PRICKLE2: variants seen among roughly 807,000 people sequenced by gnomAD.
The protein encoded by PRICKLE2 is prickle planar cell polarity protein 2.
Under a neutral mutation model 81.4 loss-of-function variants are expected in PRICKLE2, and 21 were observed. The ratio of observed to expected loss-of-function variants is 0.26; its 90% CI spans 0.18 to 0.37. The LOEUF (loss-of-function observed/expected upper bound fraction) is 0.37. Ranked by LOEUF, PRICKLE2 falls within the 10% of genes least tolerant of loss-of-function variation. The pLI is 1.00. For synonymous variants in PRICKLE2, 456 were observed against 421.5 expected (o/e 1.08, Z -1.00); for missense variants, 940 against 1,109.0 (o/e 0.85, Z 2.16).
intron 2 of PRICKLE2, among the ~76,000 whole-genome samples, chr3:64,264,759 T>C (rs2079672343): frequency 6.6e-6 from 1 of 152,186 alleles, no homozygotes; most frequent in Non-Finnish European, 1.5e-5. Flanking sequence ...GTAGCTGTTT[T>C]AAAGAAAAAG....
Position 64,093,299 on chromosome 3 carries a change from T to C in PRICKLE2, c.*5752A>G. On this transcript the variant is annotated 3_prime_UTR_variant, in exon 8 of 8. Transcript: ENST00000638394. ...TGGACATTTGGGTTGCTCCCACTTT[T>C]TGGATATTGTGAATGCTGCTTTTAT... The C allele has an allele frequency of 6.6e-6, 1 of 152,432 alleles. No individual in the cohort carries two copies. Among genetic ancestry groups the C allele is most frequent in the East Asian group, 1.9e-4 (1 of 5,242 alleles). The allele number at this position is 152,432 out of a possible 1,614,324, so 9.4% of individuals were successfully genotyped here.
At position 64,198,949 on chromosome 3, in the gene PRICKLE2, G is replaced by A. The variant is rs756468690; in HGVS notation, c.-22C>T. On this transcript the variant is annotated 5_prime_UTR_variant, in exon 2 of 8. Coordinates refer to ENST00000638394, the MANE Select transcript of PRICKLE2 (RefSeq NM_198859.4). ...CCATGTGCTCCTCCTGGGGACACTT[G>A]CAGTGCAGGCAGATCTTCCTGCAGG... is the stretch of plus-strand genomic sequence containing the variant. 80 of 1,613,796 alleles carry A rather than the reference G, an allele frequency of 5.0e-5. No homozygotes were observed. Among genetic ancestry groups the A allele is most frequent in the Non-Finnish European group, 6.7e-5 (79 of 1,180,024 alleles).
At chr3:64,184,640 T>TA (rs577671580) in intron 2 of PRICKLE2, among the ~76,000 whole-genome samples, 1 of 124,592 alleles carries the variant, frequency 8.0e-6, no homozygotes, top group African/African-American at 2.6e-5. Context: ...ACTGACTGAT[T>TA]TAAAAAAAAA....
chr3:64,164,706 G>A (rs539727197), intron 2 of PRICKLE2, among the ~76,000 whole-genome samples: 1 of 152,300 alleles, frequency 6.6e-6, no homozygotes, highest in East Asian at 1.9e-4. Flanking sequence ...GGCAGGGTCT[G>A]TATAAGCCCC....
chr3:64,261,483 G>A (rs2079614320), intron 2 of PRICKLE2, among the ~76,000 whole-genome samples: 1 of 152,040 alleles, frequency 6.6e-6, no homozygotes, highest in Non-Finnish European at 1.5e-5. Flanking sequence ...AAAATATTTT[G>A]GATCTTGGAA....
chr3:64,245,810 G>A (rs2079341127), intron 2 of PRICKLE2, among the ~76,000 whole-genome samples: 1 of 152,192 alleles, frequency 6.6e-6, no homozygotes, highest in African/African-American at 2.4e-5. Context: ...AAGAAGGCAG[G>A]AGTGAAAGGA....
intron 7 of PRICKLE2, among the ~76,000 whole-genome samples, chr3:64,106,835 G>C (rs1471534945): frequency 6.6e-6 from 1 of 152,196 alleles, no homozygotes; most frequent in African/African-American, 2.4e-5. Context: ...ATTTGCCAGA[G>C]AACTCTGGCT....
At chr3:64,206,913 T>C (rs879076117) in intron 1 of PRICKLE2, among the ~76,000 whole-genome samples, 1 of 152,206 alleles carries the variant, frequency 6.6e-6, no homozygotes, top group Non-Finnish European at 1.5e-5. Context: ...AAGAACACAT[T>C]TTTTTGAGAC....
intron 2 of PRICKLE2, among the ~76,000 whole-genome samples, chr3:64,260,742 C>A (rs2079604765): frequency 6.6e-6 from 1 of 152,198 alleles, no homozygotes; most frequent in Admixed American, 6.5e-5. Flanking sequence ...CCACCAATAA[C>A]ATTCAGTGAG....
intron 3 of PRICKLE2, among the ~76,000 whole-genome samples, chr3:64,160,912 A>T (rs371370119): frequency 6.5e-4 from 99 of 152,258 alleles, no homozygotes; most frequent in African/African-American, 2.1e-3. Flanking sequence ...AAGAAAGTAT[A>T]ACTATAAATG....
chr3:64,099,599 G>A lies in PRICKLE2; in HGVS notation c.1987C>T (p.Gln663Ter). Residue 663 changes from glutamine (Q) to a stop codon, truncating the protein, a stop_gained, in exon 8 of 8, where the codon CAG becomes TAG. Coordinates refer to ENST00000638394, the MANE Select transcript of PRICKLE2 (RefSeq NM_198859.4). LOFTEE classifies it high-confidence loss of function. This position sits in a 1 kb window ranked among gnomAD's most constrained non-coding sequence, Gnocchi z 4.3. ...CTCCGGGTGCGTTCACTCATGGGCT[G>A]GATCCTCACGCCCTCCTGCCCTGGC... is the stretch of plus-strand genomic sequence containing the variant. ...KLPGQEGVRI[Q>*]PMSERTRRRA... The A allele has an allele frequency of 6.2e-7, 1 of 1,613,870 alleles. No homozygotes were observed. Among genetic ancestry groups the A allele is most frequent in the Non-Finnish European group, 8.5e-7 (1 of 1,180,030 alleles).
intron 1 of PRICKLE2, among the ~76,000 whole-genome samples, chr3:64,222,128 C>T (rs755158198): frequency 6.6e-6 from 1 of 152,134 alleles, no homozygotes; most frequent in African/African-American, 2.4e-5. Flanking sequence ...GCATTATAGC[C>T]GCTATCTTCA....
rs2107016678 is a variant in PRICKLE2 at position 64,147,804 on chromosome 3, C to T, written c.788-102G>A. On this transcript the variant is annotated intron_variant, in intron 6 of 7. Transcript: ENST00000638394. This position sits in a 1 kb window ranked among gnomAD's most constrained non-coding sequence, Gnocchi z 5.0. ...TTGGTTTGTCTCAGGATTCCAGGTG[C>T]GGCAGGATAAACTGTCAATAAATCA... 5 of 1,264,104 alleles carry T rather than the reference C, an allele frequency of 4.0e-6. No homozygotes were observed. The highest frequency in any genetic ancestry group is 5.7e-6 in the Non-Finnish European group (5 of 870,400). The allele number at this position is 1,264,104 out of a possible 1,614,324, so 78.3% of individuals were successfully genotyped here.
rs73832138 is a variant in PRICKLE2, at chr3:64,255,378, T to G, written c.129-56411A>C. 9.2e-3 allele frequency among the ~76,000 whole-genome samples: 1,402 copies of G among 152,296 alleles called. 20 individuals are homozygous for G. The highest frequency in any genetic ancestry group is 0.032 in the African/African-American group (1,332 of 41,542). On this transcript the variant is annotated intron_variant, in intron 2 of 8. Coordinates refer to the PRICKLE2 transcript ENST00000295902. ...TCAGCCATGTGCCCTGATTCAGTTTTTACAGGGCCCTCCACTAAAGGGGAA... is the reference window on the plus strand; with the variant it reads ...TCAGCCATGTGCCCTGATTCAGTTTGTACAGGGCCCTCCACTAAAGGGGAA...
At chr3:64,143,203 A>C (rs2077390658) in intron 7 of PRICKLE2, among the ~76,000 whole-genome samples, 1 of 152,206 alleles carries the variant, frequency 6.6e-6, no homozygotes, top group Admixed American at 6.5e-5. Flanking sequence ...ATTGCTGTTG[A>C]GTACTTAAAA....
chr3:64,231,934 C>T (rs753379763), intron 2 of PRICKLE2, among the ~76,000 whole-genome samples: 6 of 152,130 alleles, frequency 3.9e-5, no homozygotes, highest in Non-Finnish European at 7.4e-5. Context: ...TCACAAATTT[C>T]CTCTAAAAAC....
intron 2 of PRICKLE2, among the ~76,000 whole-genome samples, chr3:64,191,030 AG>A: frequency 6.6e-6 from 1 of 152,262 alleles, no homozygotes; most frequent in Middle Eastern, 3.4e-3. Flanking sequence ...TAACTTCCAC[AG>A]GCTCCACAGA....
At chr3:64,230,929 TCATGATAA>T (rs981075307) in intron 2 of PRICKLE2, among the ~76,000 whole-genome samples, 3 of 152,204 alleles carry the variant, frequency 2.0e-5, no homozygotes, top group African/African-American at 7.2e-5. Context: ...ATAAAACTGT[TCATGATAA>T]CATAAGGACA....
chr3:64,263,613 G>A (rs2107191916), intron 2 of PRICKLE2, among the ~76,000 whole-genome samples: 1 of 152,308 alleles, frequency 6.6e-6, no homozygotes, highest in African/African-American at 2.4e-5. Flanking sequence ...TTAGGAAATG[G>A]CTTCAACTTT....
Sources: allele counts gnomAD v4.1 joint callset (sites outside exome capture counted in the v4.1 genomes callset), GRCh38; gene constraint gnomAD v4.1.1; non-coding constraint Gnocchi (gnomAD v3.1); transcripts MANE v1.5; gene names NCBI Gene and HGNC (gene_info 2026-07-23, HGNC 2026-07-21).